Variants in COL9A1 observed in about 807,000 individuals in gnomAD.
COL9A1 encodes the protein collagen type IX alpha 1 chain, also known as collagen alpha-1(IX) chain.
Under a neutral mutation model 142.6 loss-of-function variants are expected in COL9A1, and 104 were observed. That is an observed-to-expected ratio of 0.73 (90% CI 0.62 to 0.86). COL9A1 has a LOEUF of 0.86. Among genes scored for constraint, COL9A1 ranks in the 40% least tolerant of loss-of-function variants. COL9A1 has a pLI of 0.00. For synonymous variants in COL9A1, 466 were observed against 396.0 expected (o/e 1.18, Z -2.10); for missense variants, 1,210 against 1,176.6 (o/e 1.03, Z -0.42).
intron 16 of COL9A1, 52 bp from the exon 17 acceptor site, chr6:70,268,912 A>G: frequency 6.6e-7 from 1 of 1,507,218 alleles, no homozygotes; most frequent in Non-Finnish European, 9.2e-7. Context: ...GAGTGCATAA[A>G]CTAGGACTCC....
At chr6:70,263,569 A>G (rs1319907825) in intron 18 of COL9A1, among the ~76,000 whole-genome samples, 1 of 152,022 alleles carries the variant, frequency 6.6e-6, no homozygotes, top group Non-Finnish European at 1.5e-5. Flanking sequence ...AAGTTTTTCT[A>G]AAGTGGGGGA....
intron 18 of COL9A1, among the ~76,000 whole-genome samples, chr6:70,263,505 A>C (rs1771824871): frequency 6.6e-6 from 1 of 152,054 alleles, no homozygotes. Context: ...AAAGTCACCA[A>C]AATACCACCA....
intron 37 of COL9A1, among the ~76,000 whole-genome samples, chr6:70,225,483 G>A (rs1000629350): frequency 1.3e-5 from 2 of 151,892 alleles, no homozygotes; most frequent in African/African-American, 4.8e-5. Context: ...GGTTTTGGAG[G>A]GTCTGGGTGT....
rs537083564 is a variant in COL9A1 at position 70,297,934 on chromosome 6, C to T, written c.299+2109G>A. ...AAATAAGGATAAACTGTGACTCTGT[C>T]ACATTAGTTCCATATACCGTAATAT... On this transcript the variant is annotated intron_variant, in intron 4 of 37. Coordinates refer to ENST00000357250, the MANE Select transcript of COL9A1 (RefSeq NM_001851.6). Among the ~76,000 whole-genome samples, 6 of 152,254 alleles carry T rather than the reference C, an allele frequency of 3.9e-5. No homozygotes were observed. The South Asian group carries it at 1.2e-3, about 32-fold the overall frequency.
At chr6:70,239,147 A>G in intron 33 of COL9A1, 107 bp downstream of exon 33, 1 of 848,286 alleles carries the variant, frequency 1.2e-6, no homozygotes, top group Non-Finnish European at 1.9e-6. Context: ...TCAAAAAAAA[A>G]AAGAATTGAA....
At chr6:70,220,392 GT>G (rs1768803776) in intron 37 of COL9A1, among the ~76,000 whole-genome samples, 25 of 3,028 alleles carry the variant, frequency 8.3e-3, no homozygotes, top group Admixed American at 0.021. Context: ...GTGGCAGGGT[GT>G]GTGTGTGTGT....
chr6:70,241,438 G>C lies in COL9A1; in HGVS notation c.2015C>G (p.Pro672Arg), dbSNP rs765463295. 6.2e-7 allele frequency: 1 copy of C among 1,610,786 alleles called. No homozygotes were observed. The highest frequency in any genetic ancestry group is 8.5e-7 in the Non-Finnish European group (1 of 1,177,086). The part of the protein sequence containing the change: ...MKGDRGVVGE[P>R]GPKGEQGASG... ...ACTGACCTGTTCACCCTTTGGACCC[G>C]GTTCACCGACTACACCCTGTAATAA... is the stretch of plus-strand genomic sequence containing the variant. Residue 672 changes from proline to arginine, a missense_variant, in exon 31 of 38, where the codon CCG becomes CGG. Transcript: ENST00000357250.
chr6:70,231,398 A>G (rs1769533304), intron 36 of COL9A1, among the ~76,000 whole-genome samples: 1 of 152,184 alleles, frequency 6.6e-6, no homozygotes, highest in African/African-American at 2.4e-5. Context: ...ATGAATAGGT[A>G]TGTGACTCTT....
intron 28 of COL9A1, among the ~76,000 whole-genome samples, chr6:70,248,824 C>T (rs911576753): frequency 2.0e-5 from 3 of 152,254 alleles, no homozygotes; most frequent in African/African-American, 4.8e-5. Context: ...ATGACTGGCA[C>T]CTTCTGCAGT....
rs147237457 is a variant in COL9A1 at position 70,294,511 on chromosome 6, G to A, written c.352C>T (p.Arg118Ter). ...TTTTTGAGAGTGCTTCCAGTCATTC[G>A]AAACGTCGTCAAGAAGGAGTATTCT... ...PEEYSFLTTFRMTGSTLKKNW... is the reference protein window; with the variant it reads ...PEEYSFLTTF The change falls in exon 5 of 38, where the codon CGA becomes TGA. Residue 118 changes from arginine to a stop codon, truncating the protein, a stop_gained. Coordinates refer to ENST00000357250, the MANE Select transcript of COL9A1 (RefSeq NM_001851.6). LOFTEE classifies it high-confidence loss of function. The A allele has an allele frequency of 6.2e-6, 10 of 1,614,024 alleles. No individual in the cohort carries two copies. Among genetic ancestry groups the A allele is most frequent in the East Asian group, 2.2e-5 (1 of 44,870 alleles).
chr6:70,278,462 T>C (rs1772909833), intron 10 of COL9A1, among the ~76,000 whole-genome samples: 1 of 152,210 alleles, frequency 6.6e-6, no homozygotes, highest in Admixed American at 6.5e-5. Flanking sequence ...TTAAAAGAAA[T>C]GTTTGTGGCA....
intron 37 of COL9A1, among the ~76,000 whole-genome samples, chr6:70,218,057 T>TA (rs1768637450): frequency 6.6e-6 from 1 of 152,044 alleles, no homozygotes; most frequent in African/African-American, 2.4e-5. Context: ...GCAGGAGAAT[T>TA]ACTTGCACCC....
chr6:70,299,989 A>G, intron 4 of COL9A1, 54 bp downstream of exon 4: 1 of 1,532,204 alleles, frequency 6.5e-7, no homozygotes, highest in South Asian at 1.1e-5. Context: ...ATAGCTATCC[A>G]TTTTTAATGC....
At chr6:70,253,140 G>C (rs530485171) in intron 26 of COL9A1, 3 of 394,436 alleles carry the variant, frequency 7.6e-6, no homozygotes, top group Non-Finnish European at 1.4e-5. Context: ...AAAATTTTCT[G>C]TTTTATACTG....
intron 10 of COL9A1, 96 bp downstream of exon 10, chr6:70,280,716 T>C: frequency 6.9e-7 from 1 of 1,450,114 alleles, no homozygotes; most frequent in Non-Finnish European, 9.4e-7. Flanking sequence ...TCTCTCTCTC[T>C]CTTTCTCTCT....
chr6:70,280,958 C>A (rs751320252), intron 9 of COL9A1, 46 bp downstream of exon 9: 1 of 1,613,088 alleles, frequency 6.2e-7, no homozygotes, highest in South Asian at 1.1e-5. Context: ...CTGCAAAACA[C>A]GTCTAAAGGA....
chr6:70,232,861 C>A, intron 35 of COL9A1, 90 bp from the exon 36 acceptor site: 1 of 1,257,414 alleles, frequency 8.0e-7, no homozygotes, highest in Non-Finnish European at 1.1e-6. Context: ...GCCTTTTTTT[C>A]TAAATGTGTC....
chr6:70,282,946 G>A (rs749553476), intron 6 of COL9A1, 28 bp from the exon 7 acceptor site: 5 of 1,614,216 alleles, frequency 3.1e-6, no homozygotes, highest in Non-Finnish European at 4.2e-6. Flanking sequence ...GGGAGAAAGT[G>A]AGAAAAGCAC....
rs1344705750 is a variant in COL9A1, at chr6:70,294,552, G to C, written c.311C>G (p.Pro104Arg). 1 of 1,613,708 alleles carries C rather than the reference G, an allele frequency of 6.2e-7. No homozygotes were observed. The highest frequency in any genetic ancestry group is 8.5e-7 in the Non-Finnish European group (1 of 1,179,870). ...GGAGTATTCTTCAGGCAGTCCACTG[G>C]GATATAAATTCCTGAGTAAAATTTT... Reference protein sequence around the residue: ...DFRIPTRNLYPSGLPEEYSFL... With the variant: ...DFRIPTRNLYRSGLPEEYSFL... The change falls in exon 5 of 38, where the codon CCC (proline) becomes CGC (arginine). Residue 104 changes from proline to arginine, a missense_variant. Pro to Arg is a moderately radical substitution (Grantham distance 103). Coordinates refer to ENST00000357250, the MANE Select transcript of COL9A1 (RefSeq NM_001851.6).
Sources: gnomAD v4.1 joint callset for allele counts (sites outside exome capture counted in the v4.1 genomes callset) on GRCh38, gnomAD v4.1.1 for gene constraint, MANE v1.5 for transcripts, NCBI Gene and HGNC (gene_info 2026-07-23, HGNC 2026-07-21) for gene names.